Variants in MYH10 observed in about 807,000 individuals in gnomAD.
MYH10 encodes myosin-10.
A neutral mutation model predicts 257.8 loss-of-function variants in MYH10; 55 were observed. The observed-to-expected ratio is 0.21, with a 90% CI of 0.17 to 0.27. MYH10 has a LOEUF of 0.27. Ranked by LOEUF, MYH10 falls within the 10% of genes least tolerant of loss-of-function variation. MYH10 has a pLI of 1.00. For missense variants in MYH10, 1,631 were observed against 2,500.6 expected, an observed-to-expected ratio of 0.65 and a Z score of 7.42; for synonymous variants, 854 against 921.7, an observed-to-expected ratio of 0.93 and a Z score of 1.33.
At position 8,477,068 on chromosome 17, in the gene MYH10, CCAAAA is replaced by C. The variant is rs762325135; in HGVS notation, c.5707-25_5707-21del. The stretch of plus-strand genomic sequence containing the variant: ...CTCCATCTTGGGGAGGGTACATGAA[CCAAAA>C]CAAACCAAACTGGTGAATCCAGTGT... On this transcript the variant is annotated intron_variant, in intron 41 of 42. Coordinates refer to ENST00000360416, the MANE Select transcript of MYH10 (RefSeq NM_001256012.3). The surrounding 1 kb of genome is among the most constrained non-coding windows in gnomAD (Gnocchi z 4.2). 1 of 1,612,848 alleles carries C rather than the reference CCAAAA, an allele frequency of 6.2e-7. No homozygotes were observed. Among genetic ancestry groups the C allele is most frequent in the Non-Finnish European group, 8.5e-7 (1 of 1,179,500 alleles).
rs115302839 is a variant in MYH10 at position 8,609,956 on chromosome 17, A to G, written c.346-4974T>C. Among the ~76,000 whole-genome samples, 293 of 152,100 alleles carry G rather than the reference A, an allele frequency of 1.9e-3. 3 individuals are homozygous for G. The highest frequency in any genetic ancestry group is 6.7e-3 in the African/African-American group (277 of 41,516). ...GTGTGGAGGAATACACATTGAATTA[A>G]AAGGAATTCGCTAAGCTAACAAACG... On this transcript the variant is annotated intron_variant, in intron 2 of 42. Coordinates refer to ENST00000360416, the MANE Select transcript of MYH10 (RefSeq NM_001256012.3).
At chr17:8,576,773 T>C in intron 5 of MYH10, 101 bp from the exon 6 acceptor site, 1 of 1,142,640 alleles carries the variant, frequency 8.8e-7, no homozygotes, top group Non-Finnish European at 1.3e-6. Context: ...AGTTGAGAAC[T>C]GTGGAAGCTG....
At chr17:8,479,396 A>G (rs1355951049) in intron 40 of MYH10, among the ~76,000 whole-genome samples, 1 of 152,250 alleles carries the variant, frequency 6.6e-6, no homozygotes, top group Admixed American at 6.5e-5. Flanking sequence ...AACAAATATT[A>G]TGCAAAAGTA....
In MYH10 at chr17:8,475,450, G is replaced by A. The variant is rs527367789; in HGVS notation, c.*354C>T. On this transcript the variant is annotated 3_prime_UTR_variant, in exon 43 of 43. Coordinates refer to ENST00000360416, the MANE Select transcript of MYH10 (RefSeq NM_001256012.3). ...AGAGCATGCAGAGCGACTGAGTGACGACCACGGCGCTGCCCCAATAACCCA... is the reference window on the plus strand; with the variant it reads ...AGAGCATGCAGAGCGACTGAGTGACAACCACGGCGCTGCCCCAATAACCCA... 5.4e-4 allele frequency: 112 copies of A among 205,558 alleles called. 1 individual carries two copies. Among genetic ancestry groups the A allele is most frequent in the African/African-American group, 2.4e-3 (105 of 43,188 alleles). The allele number at this position is 205,558 out of a possible 1,614,324, so 12.7% of individuals were successfully genotyped here. A position where few individuals can be genotyped will look rare whatever the true frequency, so the allele number is the denominator to read the frequency against.
At chr17:8,584,259 G>A (rs983126659) in intron 4 of MYH10, among the ~76,000 whole-genome samples, 9 of 152,222 alleles carry the variant, frequency 5.9e-5, no homozygotes. Context: ...TAAGGCCAGA[G>A]TGTAAATTAA....
chr17:8,521,391 G>T, intron 17 of MYH10, 106 bp from the exon 18 acceptor site: 2 of 1,189,720 alleles, frequency 1.7e-6, no homozygotes, highest in Non-Finnish European at 1.2e-6. Context: ...TGGAACAAAT[G>T]ACAGGAGATG....
chr17:8,478,278 G>A, intron 41 of MYH10, 60 bp downstream of exon 41: 1 of 1,408,052 alleles, frequency 7.1e-7, no homozygotes, highest in Non-Finnish European at 1.0e-6. Context: ...TGTGCCACCA[G>A]CTCATTCTCC....
At position 8,475,695 on chromosome 17, in the gene MYH10, G is replaced by C; in HGVS notation, c.*109C>G. On this transcript the variant is annotated 3_prime_UTR_variant, in exon 43 of 43. Coordinates refer to ENST00000360416, the MANE Select transcript of MYH10 (RefSeq NM_001256012.3). The stretch of plus-strand genomic sequence containing the variant: ...GGCTGGAGAGCCTTAAGACACAGTT[G>C]ATCTTTCAGGAAGGAATCCCGTAGC... 2.3e-6 allele frequency: 3 copies of C among 1,322,536 alleles called. No homozygotes were observed. Among genetic ancestry groups the C allele is most frequent in the Non-Finnish European group, 2.1e-6 (2 of 950,364 alleles). The allele number at this position is 1,322,536 out of a possible 1,614,324, so 81.9% of individuals were successfully genotyped here. A position where few individuals can be genotyped will look rare whatever the true frequency, so the allele number is the denominator to read the frequency against.
intron 4 of MYH10, among the ~76,000 whole-genome samples, chr17:8,582,741 C>A (rs1433354849): frequency 6.6e-6 from 1 of 152,228 alleles, no homozygotes; most frequent in Admixed American, 6.5e-5. Flanking sequence ...AGCAGTGATG[C>A]AGATCATTAA....
intron 7 of MYH10, among the ~76,000 whole-genome samples, chr17:8,557,871 T>C (rs920482241): frequency 6.6e-6 from 1 of 152,208 alleles, no homozygotes; most frequent in African/African-American, 2.4e-5. Flanking sequence ...AATTTAGGAT[T>C]TCTTTAGAAG....
intron 2 of MYH10, among the ~76,000 whole-genome samples, chr17:8,618,130 A>G (rs1312366093): frequency 6.6e-6 from 1 of 152,242 alleles, no homozygotes; most frequent in Non-Finnish European, 1.5e-5. Context: ...TATGAAGAAA[A>G]GCAAAGCAGA....
At chr17:8,594,159 A>C (rs2084274752) in intron 3 of MYH10, among the ~76,000 whole-genome samples, 1 of 152,222 alleles carries the variant, frequency 6.6e-6, no homozygotes, top group African/African-American at 2.4e-5. Context: ...AAATTAAACC[A>C]AAATAGGTCA....
rs761494216 is a variant in MYH10, at chr17:8,475,846, C to T, written c.5982G>A (p.Lys1994=). The change falls in exon 43 of 43, where the codon AAG becomes AAA. Residue 1994 remains lysine (K), a synonymous_variant. Transcript: ENST00000360416. ...GCTGCGTCTCGTTGACATCACTGGTCTTACTTTCTGTGTCATCGTCGGAGA... is the reference window on the plus strand; with the variant it reads ...GCTGCGTCTCGTTGACATCACTGGTTTTACTTTCTGTGTCATCGTCGGAGA... ...LELSDDDTES[K]TSDVNETQPP... is the part of the protein sequence containing the mutation. The T allele has an allele frequency of 7.4e-6, 12 of 1,614,208 alleles. No homozygotes were observed. The highest frequency in any genetic ancestry group is 1.0e-5 in the Non-Finnish European group (12 of 1,180,048).
intron 21 of MYH10, among the ~76,000 whole-genome samples, chr17:8,516,924 G>A (rs2081485303): frequency 6.6e-6 from 1 of 152,008 alleles, no homozygotes; most frequent in Non-Finnish European, 1.5e-5. Flanking sequence ...GGATCACAAG[G>A]TCAGGAGATC....
At position 8,545,814 on chromosome 17, in the gene MYH10, C is replaced by T. The variant is rs1191722837; in HGVS notation, c.1279-214G>A. 6.6e-6 allele frequency among the ~76,000 whole-genome samples: 1 copy of T among 152,004 alleles called. No individual in the cohort carries two copies. Among genetic ancestry groups the T allele is most frequent in the Non-Finnish European group, 1.5e-5 (1 of 68,004 alleles). ...CGAATTTGGGGGATGGGTAAAGACG[C>T]CTAATAAAAATAAGCTCCTCCCCAT... is the stretch of plus-strand genomic sequence containing the variant. On this transcript the variant is annotated intron_variant, in intron 12 of 42. Coordinates refer to ENST00000360416, the MANE Select transcript of MYH10 (RefSeq NM_001256012.3). The surrounding 1 kb of genome is among the most constrained non-coding windows in gnomAD (Gnocchi z 4.7).
intron 30 of MYH10, among the ~76,000 whole-genome samples, chr17:8,497,392 G>A (rs1916800436): frequency 6.6e-6 from 1 of 152,068 alleles, no homozygotes; most frequent in Non-Finnish European, 1.5e-5. Flanking sequence ...ACCACAGTCA[G>A]CCCTTCCTAT....
At chr17:8,591,257 G>A (rs772299139) in intron 3 of MYH10, among the ~76,000 whole-genome samples, 2 of 152,058 alleles carry the variant, frequency 1.3e-5, no homozygotes, top group South Asian at 2.1e-4. Flanking sequence ...CTTGAGATCC[G>A]AGACTGTCTT....
At chr17:8,622,650 CA>C (rs1441595173) in intron 2 of MYH10, among the ~76,000 whole-genome samples, 1 of 152,170 alleles carries the variant, frequency 6.6e-6, no homozygotes, top group African/African-American at 2.4e-5. Context: ...TCCAGAAGAC[CA>C]CTACAAAAGT....
At chr17:8,573,852 G>C (rs2083421977) in intron 6 of MYH10, 1 of 974,774 alleles carries the variant, frequency 1.0e-6, no homozygotes, top group Non-Finnish European at 1.2e-6. Flanking sequence ...AAACATAAAA[G>C]ACTGACCACA....
Sources: allele counts gnomAD v4.1 joint callset (sites outside exome capture counted in the v4.1 genomes callset), GRCh38; gene constraint gnomAD v4.1.1; non-coding constraint Gnocchi (gnomAD v3.1); transcripts MANE v1.5; gene names NCBI Gene and HGNC (gene_info 2026-07-23, HGNC 2026-07-21).